Variants in SKAP1 observed in about 807,000 individuals in gnomAD.
SKAP1 encodes the protein src kinase associated phosphoprotein 1.
SKAP1 carries 44 observed loss-of-function variants against 58.5 expected under a neutral mutation model. The ratio of observed to expected loss-of-function variants is 0.75; its 90% CI spans 0.59 to 0.97. The LOEUF is 0.97. SKAP1 is among the 50% of genes least tolerant of loss of function. SKAP1 has a pLI of 0.00. For synonymous variants in SKAP1, 127 were observed against 149.7 expected, an observed-to-expected ratio of 0.85 and a Z score of 1.11; for missense variants, 390 against 435.2, an observed-to-expected ratio of 0.90 and a Z score of 0.92.
chr17:48,312,080 T>A (rs2066230681), intron 4 of SKAP1, among the ~76,000 whole-genome samples: 1 of 152,258 alleles, frequency 6.6e-6, no homozygotes, highest in Non-Finnish European at 1.5e-5. Context: ...TGTATTCTGT[T>A]ACATGAATCA....
chr17:48,147,212 G>A (rs208010), intron 11 of SKAP1, among the ~76,000 whole-genome samples: 492 of 152,198 alleles, frequency 3.2e-3, no homozygotes, highest in Non-Finnish European at 5.7e-3. Context: ...CCCCTAACCC[G>A]AAAGATTAGT....
intron 3 of SKAP1, among the ~76,000 whole-genome samples, chr17:48,353,927 AAAG>A (rs962864028): frequency 7.5e-6 from 1 of 133,400 alleles, no homozygotes; most frequent in Non-Finnish European, 1.6e-5. Context: ...AGAAAAGAAG[AAAG>A]AAGAAGAGGA....
chr17:48,218,580 C>T (rs751993659), intron 4 of SKAP1, among the ~76,000 whole-genome samples: 1 of 152,192 alleles, frequency 6.6e-6, no homozygotes, highest in Admixed American at 6.5e-5. Context: ...CTTGCTCTGT[C>T]TCCACTCAAC....
intron 1 of SKAP1, among the ~76,000 whole-genome samples, chr17:48,415,048 A>G (rs2067714699): frequency 2.0e-5 from 3 of 152,226 alleles, no homozygotes; most frequent in Admixed American, 2.0e-4. Flanking sequence ...TAACAGTTGC[A>G]AGGGTTTTTG....
chr17:48,287,859 T>C (rs546041273), intron 4 of SKAP1, among the ~76,000 whole-genome samples: 64 of 152,322 alleles, frequency 4.2e-4, no homozygotes, highest in African/African-American at 1.5e-3. Flanking sequence ...TTTAGAATTG[T>C]TCACAGTAAA....
At chr17:48,225,527 G>T (rs941116901) in intron 4 of SKAP1, among the ~76,000 whole-genome samples, 2 of 152,140 alleles carry the variant, frequency 1.3e-5, no homozygotes, top group African/African-American at 4.8e-5. Flanking sequence ...CATTGTTCAG[G>T]TTACCAACAG....
chr17:48,298,245 A>G (rs186971084), intron 4 of SKAP1, among the ~76,000 whole-genome samples: 3 of 152,352 alleles, frequency 2.0e-5, no homozygotes, highest in East Asian at 1.9e-4. Context: ...CTGTCACATT[A>G]GAGTATTTTA....
intron 4 of SKAP1, among the ~76,000 whole-genome samples, chr17:48,260,314 G>C (rs2065470765): frequency 6.6e-6 from 1 of 152,126 alleles, no homozygotes; most frequent in Non-Finnish European, 1.5e-5. Context: ...GAGTAAGGGA[G>C]ATGAGTTTAT....
intron 1 of SKAP1, among the ~76,000 whole-genome samples, chr17:48,416,474 A>T (rs2067732617): frequency 6.6e-6 from 1 of 152,182 alleles, no homozygotes; most frequent in Non-Finnish European, 1.5e-5. Flanking sequence ...GGGACTAAAA[A>T]TCTGTTTGTG....
chr17:48,352,085 A>G (rs2066810174), intron 3 of SKAP1, among the ~76,000 whole-genome samples: 1 of 151,158 alleles, frequency 6.6e-6, no homozygotes, highest in African/African-American at 2.4e-5. Context: ...GAAAAGAGAA[A>G]AAAAAAAAAA....
At chr17:48,413,854 G>C (rs1290306457) in intron 1 of SKAP1, among the ~76,000 whole-genome samples, 1 of 152,070 alleles carries the variant, frequency 6.6e-6, no homozygotes, top group East Asian at 1.9e-4. Context: ...ACATCCCCCA[G>C]ATGCTTCTAA....
chr17:48,274,305 A>G (rs1483724231), intron 4 of SKAP1, among the ~76,000 whole-genome samples: 1 of 152,006 alleles, frequency 6.6e-6, no homozygotes, highest in Non-Finnish European at 1.5e-5. Context: ...CTGAGGTAGG[A>G]GGATTGCTTG....
At chr17:48,438,097 G>A in the SKAP1 span, among the ~76,000 whole-genome samples, 15 of 152,308 alleles carry the variant, frequency 9.8e-5, no homozygotes, top group African/African-American at 3.4e-4. Context: ...AGGTGATAGA[G>A]TATAGAATGT....
intron 9 of SKAP1, among the ~76,000 whole-genome samples, chr17:48,171,542 A>G (rs1417612003): frequency 6.6e-6 from 1 of 152,212 alleles, no homozygotes; most frequent in East Asian, 1.9e-4. Flanking sequence ...GGGGACAAGC[A>G]ATAAACAAGA....
chr17:48,298,288 A>T (rs1465704466), intron 4 of SKAP1, among the ~76,000 whole-genome samples: 1 of 152,240 alleles, frequency 6.6e-6, no homozygotes, highest in African/African-American at 2.4e-5. Flanking sequence ...GTGAGCGTCA[A>T]CAAACAACTA....
At chr17:48,434,962 G>A (rs771978652), upstream of SKAP1, among the ~76,000 whole-genome samples, 3 of 151,866 alleles carry the variant, frequency 2.0e-5, no homozygotes, top group Non-Finnish European at 2.9e-5. Flanking sequence ...GCAACATAGT[G>A]AGACCCCTGT....
intron 4 of SKAP1, among the ~76,000 whole-genome samples, chr17:48,197,309 CT>C (rs1240624034): frequency 6.6e-6 from 1 of 150,930 alleles, no homozygotes; most frequent in Non-Finnish European, 1.5e-5. Flanking sequence ...CGTAAGACCT[CT>C]TCTGATGCAA....
At chr17:48,232,590 G>A (rs2065137561) in intron 4 of SKAP1, among the ~76,000 whole-genome samples, 3 of 152,264 alleles carry the variant, frequency 2.0e-5, no homozygotes, top group African/African-American at 7.2e-5. Flanking sequence ...ATATGGATAT[G>A]GGAACAGTAT....
chr17:48,346,955 T>C (rs1481022357), intron 3 of SKAP1, among the ~76,000 whole-genome samples: 1 of 152,210 alleles, frequency 6.6e-6, no homozygotes. Context: ...TCCTGTAAAA[T>C]GGCTTTGATA....
Sources: gnomAD v4.1 joint callset for allele counts (sites outside exome capture counted in the v4.1 genomes callset) on GRCh38, gnomAD v4.1.1 for gene constraint, MANE v1.5 for transcripts, NCBI Gene and HGNC (gene_info 2026-07-23, HGNC 2026-07-21) for gene names.